NUP98: variants seen among roughly 807,000 people sequenced by gnomAD.
NUP98 encodes the protein nucleoporin 98 and 96 precursor.
A neutral mutation model predicts 191.9 loss-of-function variants in NUP98; 26 were observed. That is an observed-to-expected ratio of 0.14 (90% CI 0.10 to 0.19). NUP98 has a LOEUF of 0.19. NUP98 is among the 10% of genes least tolerant of loss of function. The pLI is 1.00. For synonymous variants in NUP98, 808 were observed against 778.4 expected, an observed-to-expected ratio of 1.04 and a Z score of -0.63; for missense variants, 1,941 against 2,178.8, an observed-to-expected ratio of 0.89 and a Z score of 2.17.
chr11:3,678,493 T>C (rs1042630475), intron 31 of NUP98, among the ~76,000 whole-genome samples: 6 of 152,212 alleles, frequency 3.9e-5, no homozygotes, highest in Non-Finnish European at 8.8e-5. Context: ...AGTAGAATAA[T>C]GTACTAAGTA....
Position 3,791,184 on chromosome 11 carries a change from T to C in NUP98, c.-29+6216A>G, listed in dbSNP as rs374951404. ...TGCTGGGATTACAGGCGTGAGCCAC[T>C]GCGCCCCGCCCACCATTTTAATTTC... On this transcript the variant is annotated intron_variant, in intron 1 of 32. Coordinates refer to ENST00000324932, the MANE Select transcript of NUP98 (RefSeq NM_016320.5). Among the ~76,000 whole-genome samples, 238 of 152,100 alleles carry C rather than the reference T, an allele frequency of 1.6e-3. 1 individual carries two copies. The highest frequency in any genetic ancestry group is 0.01 in the Middle Eastern group (3 of 294).
At chr11:3,688,616 A>G (rs923293088) in intron 28 of NUP98, among the ~76,000 whole-genome samples, 6 of 150,734 alleles carry the variant, frequency 4.0e-5, no homozygotes, top group African/African-American at 1.5e-4. Context: ...CCAACGTGGC[A>G]AAACCCCATT....
intron 10 of NUP98, among the ~76,000 whole-genome samples, chr11:3,757,161 G>A (rs2080994342): frequency 6.7e-6 from 1 of 148,546 alleles, no homozygotes; most frequent in Non-Finnish European, 1.5e-5. Flanking sequence ...ATTTTATCAA[G>A]TGTAGCCTAT....
chr11:3,693,567 T>C (rs1403007809), intron 26 of NUP98, among the ~76,000 whole-genome samples, 192 bp from the exon 27 acceptor site: 6 of 152,218 alleles, frequency 3.9e-5, no homozygotes, highest in African/African-American at 1.4e-4. Context: ...GACCAACTGA[T>C]TGATCGATTG....
chr11:3,746,816 A>G (rs1472571217), intron 11 of NUP98, among the ~76,000 whole-genome samples: 19 of 150,172 alleles, frequency 1.3e-4, no homozygotes, highest in African/African-American at 4.5e-4. Flanking sequence ...GGAAGGCTGA[A>G]GCAGGAGAAT....
chr11:3,780,937 G>C (rs1174166414), intron 2 of NUP98, among the ~76,000 whole-genome samples: 1 of 151,802 alleles, frequency 6.6e-6, no homozygotes. Flanking sequence ...AAAATTAGCC[G>C]GGCATGGTGC....
chr11:3,794,266 C>T (rs1384596798), intron 1 of NUP98, among the ~76,000 whole-genome samples: 1 of 152,118 alleles, frequency 6.6e-6, no homozygotes, highest in African/African-American at 2.4e-5. Flanking sequence ...AAGAATGCAC[C>T]AAGTTCTCAG....
chr11:3,778,475 T>A (rs1206128521), intron 4 of NUP98, among the ~76,000 whole-genome samples: 1 of 152,184 alleles, frequency 6.6e-6, no homozygotes, highest in Non-Finnish European at 1.5e-5. Flanking sequence ...AGTCTCTTCA[T>A]ACCAAATATA....
chr11:3,775,753 TTTG>T (rs1188579727), intron 5 of NUP98, 126 bp downstream of exon 5: 15 of 752,812 alleles, frequency 2.0e-5, no homozygotes, highest in African/African-American at 1.8e-4. Context: ...ATTTATAGAT[TTTG>T]TTTTTAACAC....
At chr11:3,757,755 C>T (rs1169793193) in intron 10 of NUP98, among the ~76,000 whole-genome samples, 2 of 151,398 alleles carry the variant, frequency 1.3e-5, no homozygotes, top group Non-Finnish European at 2.9e-5. Context: ...GCTGAAATCG[C>T]GCCACTGTAC....
intron 30 of NUP98, 82 bp from the exon 31 acceptor site, chr11:3,679,790 A>C: frequency 1.5e-6 from 2 of 1,356,040 alleles, no homozygotes; most frequent in South Asian, 2.8e-5. Context: ...GGAAGACAGA[A>C]AGGAAGGAGA....
chr11:3,740,824 A>AT lies in NUP98; in HGVS notation c.1408+3684dup, dbSNP rs1368034600. On this transcript the variant is annotated intron_variant, in intron 12 of 32. Coordinates refer to ENST00000324932, the MANE Select transcript of NUP98 (RefSeq NM_016320.5). ...TTTAAATATAAATATATATATATAT[A>AT]TTTTTTTTTTTGGAGACAGAGTCTC... 9.1e-3 allele frequency among the ~76,000 whole-genome samples: 1,348 copies of AT among 147,892 alleles called. 12 individuals carry two copies. Among genetic ancestry groups the AT allele is most frequent in the Non-Finnish European group, 0.013 (888 of 66,738 alleles).
chr11:3,734,676 T>A (rs936363486), intron 13 of NUP98, among the ~76,000 whole-genome samples: 1 of 152,324 alleles, frequency 6.6e-6, no homozygotes, highest in South Asian at 2.1e-4. Context: ...GACAAAGCTA[T>A]GTAAAAATCA....
rs1407882934 is a variant in NUP98 at position 3,782,192 on chromosome 11, AAT to A, written c.-28-49_-28-48del. 7 of 1,008,588 alleles carry A rather than the reference AAT, an allele frequency of 6.9e-6. No homozygotes were observed. The African/African-American group carries it at 1.1e-4, about 16-fold the overall frequency. The allele number at this position is 1,008,588 out of a possible 1,614,324, so 62.5% of individuals were successfully genotyped here. On this transcript the variant is annotated intron_variant, in intron 1 of 32. Coordinates refer to ENST00000324932, the MANE Select transcript of NUP98 (RefSeq NM_016320.5). ...CACTCTCTTAAAGACCACAAAATGG[AAT>A]ATAATTGTTTTAGAAAATCTATCAT...
At chr11:3,688,129 G>C (rs905593867) in intron 28 of NUP98, among the ~76,000 whole-genome samples, 7 of 152,058 alleles carry the variant, frequency 4.6e-5, no homozygotes, top group African/African-American at 1.7e-4. Flanking sequence ...ATTTGGCCGG[G>C]CACGGTGGCT....
At chr11:3,736,963 T>C (rs2080087812) in intron 12 of NUP98, among the ~76,000 whole-genome samples, 2 of 152,164 alleles carry the variant, frequency 1.3e-5, no homozygotes, top group African/African-American at 4.8e-5. Flanking sequence ...TGTAAGAACA[T>C]CTGTTATCAA....
At chr11:3,701,682 C>CTTTTTT (rs1564820335) in intron 23 of NUP98, among the ~76,000 whole-genome samples, 20 of 150,784 alleles carry the variant, frequency 1.3e-4, no homozygotes, top group Admixed American at 1.3e-4. Flanking sequence ...TTTTCTTTTT[C>CTTTTTT]TTTTCTCTCT....
Position 3,747,754 on chromosome 11 carries a change from ACC to A in NUP98, c.1268-3107_1268-3106del, listed in dbSNP as rs1374594966. ...TGAAAATAAGAAGCTGCAGAGAAAC[ACC>A]CACTTAGCTATTGCCTCCCAAAAAT... is the stretch of plus-strand genomic sequence containing the variant. On this transcript the variant is annotated intron_variant, in intron 11 of 32. Coordinates refer to ENST00000324932, the MANE Select transcript of NUP98 (RefSeq NM_016320.5). Among the ~76,000 whole-genome samples the A allele has an allele frequency of 2.6e-5, 4 of 152,204 alleles. No homozygotes were observed. The East Asian group carries it at 7.7e-4, about 29-fold the overall frequency.
chr11:3,797,339 C>A (rs564708054), intron 1 of NUP98, 61 bp downstream of exon 1: 3 of 400,102 alleles, frequency 7.5e-6, no homozygotes, highest in South Asian at 1.2e-4. Context: ...CGCGTCCGCC[C>A]GCCCGGAAGG....
Sources: gnomAD v4.1 joint callset for allele counts (sites outside exome capture counted in the v4.1 genomes callset) on GRCh38, gnomAD v4.1.1 for gene constraint, MANE v1.5 for transcripts, NCBI Gene and HGNC (gene_info 2026-07-23, HGNC 2026-07-21) for gene names.